ULK4: variants seen among roughly 807,000 people sequenced by gnomAD.
The protein encoded by ULK4 is inactive serine/threonine-protein kinase ULK4.
Under a neutral mutation model 160.6 loss-of-function variants are expected in ULK4, and 133 were observed. That is an observed-to-expected ratio of 0.83 (90% CI 0.72 to 0.96). The LOEUF is 0.96. Ranked by LOEUF, ULK4 falls within the 40% of genes least tolerant of loss-of-function variation. The pLI, the probability that ULK4 is intolerant of heterozygous loss-of-function variation, is 0.00. For missense variants in ULK4, 1,580 were observed against 1,499.5 expected (o/e 1.05, Z -0.89); for synonymous variants, 534 against 539.8 (o/e 0.99, Z 0.15).
chr3:41,630,292 A>G (rs2033690366), intron 30 of ULK4, among the ~76,000 whole-genome samples: 3 of 152,164 alleles, frequency 2.0e-5, no homozygotes, highest in African/African-American at 7.2e-5. Context: ...GAGGGGATAC[A>G]TTTTCAAACT....
intron 35 of ULK4, among the ~76,000 whole-genome samples, chr3:41,337,623 A>G (rs982680506): frequency 6.6e-6 from 1 of 152,218 alleles, no homozygotes; most frequent in Non-Finnish European, 1.5e-5. Context: ...GGGGCCCACC[A>G]ACTAAAATTT....
At chr3:41,559,276 T>C (rs1442406524) in intron 32 of ULK4, among the ~76,000 whole-genome samples, 6 of 118,850 alleles carry the variant, frequency 5.0e-5, no homozygotes, top group South Asian at 2.7e-4. Context: ...CAGTCTATCA[T>C]TGTTGGACAT....
intron 35 of ULK4, among the ~76,000 whole-genome samples, chr3:41,330,120 T>C (rs2080413185): frequency 6.6e-6 from 1 of 152,182 alleles, no homozygotes; most frequent in African/African-American, 2.4e-5. Flanking sequence ...CTCAGTGGAC[T>C]GGAGACAATG....
At chr3:41,377,176 G>A (rs1219760244) in intron 35 of ULK4, among the ~76,000 whole-genome samples, 2 of 152,154 alleles carry the variant, frequency 1.3e-5, no homozygotes, top group African/African-American at 4.8e-5. Context: ...AGCCATAGTA[G>A]AAAGCTGAAA....
At chr3:41,524,279 C>T (rs146828847) in intron 32 of ULK4, among the ~76,000 whole-genome samples, 379 of 152,270 alleles carry the variant, frequency 2.5e-3, no homozygotes, top group African/African-American at 8.6e-3. Context: ...CTCACTATAG[C>T]TATTTTTTAA....
chr3:41,642,776 C>G (rs1238101778), intron 30 of ULK4, among the ~76,000 whole-genome samples: 1 of 152,316 alleles, frequency 6.6e-6, no homozygotes, highest in African/African-American at 2.4e-5. Context: ...CTGACTTCCA[C>G]AATGGTTGAA....
At chr3:41,927,414 C>G (rs914608143) in intron 5 of ULK4, among the ~76,000 whole-genome samples, 3 of 152,122 alleles carry the variant, frequency 2.0e-5, no homozygotes, top group Non-Finnish European at 4.4e-5. Flanking sequence ...TAAAGACCAT[C>G]AACACTGTGA....
intron 17 of ULK4, among the ~76,000 whole-genome samples, chr3:41,849,476 CA>C (rs1559605236): frequency 6.6e-6 from 1 of 151,856 alleles, no homozygotes; most frequent in Non-Finnish European, 1.5e-5. Context: ...CAATGGCTGC[CA>C]GGGGTTAGGG....
At chr3:41,583,173 C>T (rs893187462) in intron 31 of ULK4, among the ~76,000 whole-genome samples, 1 of 152,102 alleles carries the variant, frequency 6.6e-6, no homozygotes, top group Non-Finnish European at 1.5e-5. Flanking sequence ...TGCGGTGTGG[C>T]AGGAAGCCTA....
chr3:41,690,320 T>G (rs940082528), intron 27 of ULK4, among the ~76,000 whole-genome samples: 6 of 151,332 alleles, frequency 4.0e-5, no homozygotes, highest in Non-Finnish European at 5.9e-5. Context: ...AGGGATAGCT[T>G]TAGGAGATAT....
At chr3:41,637,140 G>C (rs2033989846) in intron 30 of ULK4, among the ~76,000 whole-genome samples, 1 of 152,044 alleles carries the variant, frequency 6.6e-6, no homozygotes, top group African/African-American at 2.4e-5. Context: ...TAGTCACCAG[G>C]TTGGACATTA....
intron 21 of ULK4, among the ~76,000 whole-genome samples, chr3:41,767,598 CTG>C (rs1375872841): frequency 2.0e-5 from 3 of 152,000 alleles, no homozygotes; most frequent in Non-Finnish European, 2.9e-5. Flanking sequence ...ATATGTATGA[CTG>C]TGCAAATAAT....
intron 5 of ULK4, among the ~76,000 whole-genome samples, chr3:41,924,025 T>C (rs1699290950): frequency 6.6e-6 from 1 of 152,122 alleles, no homozygotes; most frequent in Non-Finnish European, 1.5e-5. Flanking sequence ...ACTCTGAAGG[T>C]TACAAAGAAG....
chr3:41,752,424 A>C, intron 22 of ULK4, among the ~76,000 whole-genome samples: 1 of 152,162 alleles, frequency 6.6e-6, no homozygotes, highest in East Asian at 1.9e-4. Flanking sequence ...AAAACAACCA[A>C]AAAATAGCCA....
chr3:41,907,930 G>A lies in ULK4; in HGVS notation c.1097C>T (p.Thr366Ile), dbSNP rs758392528. The change falls in exon 12 of 37, where the codon ACT becomes ATT. Residue 366 changes from threonine (T) to isoleucine (I), a missense_variant. Physicochemically the swap from Thr to Ile is moderately conservative, Grantham distance 89. Coordinates refer to ENST00000301831, the MANE Select transcript of ULK4 (RefSeq NM_017886.4). ...ESMFLLSSRP[T>I]PRTSTAVEVS... ...TTCCACTGCAGTGCTAGTTCTGGGA[G>A]TAGGACGAGAACTGAAAAATACAAA... The A allele has an allele frequency of 6.2e-7, 1 of 1,604,022 alleles. No individual in the cohort carries two copies. The highest frequency in any genetic ancestry group is 1.1e-5 in the South Asian group (1 of 89,350).
intron 35 of ULK4, among the ~76,000 whole-genome samples, chr3:41,385,805 T>C (rs1327886543): frequency 6.6e-6 from 1 of 152,168 alleles, no homozygotes; most frequent in Non-Finnish European, 1.5e-5. Context: ...AGAGGTTGTG[T>C]CTTGTCTATG....
chr3:41,597,942 C>T (rs1358029136), intron 31 of ULK4, among the ~76,000 whole-genome samples: 2 of 152,206 alleles, frequency 1.3e-5, no homozygotes, highest in African/African-American at 4.8e-5. Context: ...CCTCTTAACA[C>T]GCATTTCCCT....
chr3:41,886,195 A>G (rs912926832), intron 16 of ULK4, among the ~76,000 whole-genome samples: 1 of 152,174 alleles, frequency 6.6e-6, no homozygotes, highest in Non-Finnish European at 1.5e-5. Flanking sequence ...AGCTACTATT[A>G]ATTTTTAATT....
intron 35 of ULK4, among the ~76,000 whole-genome samples, chr3:41,291,471 A>AGGGAAGAGG (rs1559507695): frequency 8.1e-6 from 1 of 122,990 alleles, no homozygotes; most frequent in Non-Finnish European, 1.6e-5. Context: ...AGAGGAGGGG[A>AGGGAAGAGG]AGGAGAGGAG....
Sources: allele counts gnomAD v4.1 joint callset (sites outside exome capture counted in the v4.1 genomes callset), GRCh38; gene constraint gnomAD v4.1.1; transcripts MANE v1.5; gene names NCBI Gene and HGNC (gene_info 2026-07-23, HGNC 2026-07-21).